Variants in NRXN2 observed in about 807,000 individuals in gnomAD.
NRXN2 encodes neurexin-2-beta.
Under a neutral mutation model 128.8 loss-of-function variants are expected in NRXN2, and 29 were observed. That is an observed-to-expected ratio of 0.23 (90% CI 0.17 to 0.31). NRXN2 has a LOEUF of 0.31. NRXN2 is among the 10% of genes least tolerant of loss of function. NRXN2 has a pLI of 1.00. For missense variants in NRXN2, 1,881 were observed against 2,452.6 expected, an observed-to-expected ratio of 0.77 and a Z score of 4.92; for synonymous variants, 1,098 against 1,075.2, an observed-to-expected ratio of 1.02 and a Z score of -0.41.
At position 64,667,742 on chromosome 11, in the gene NRXN2, G is replaced by A; in HGVS notation, c.1360-54C>T. 1 of 1,570,798 alleles carries A rather than the reference G, an allele frequency of 6.4e-7. No homozygotes were observed. The highest frequency in any genetic ancestry group is 8.7e-7 in the Non-Finnish European group (1 of 1,146,528). ...AGAATCCGAAAGCAGCTTAGGGCCTGGCCACTCCCACCCAGCAGCGAGCAC... is the reference window on the plus strand; with the variant it reads ...AGAATCCGAAAGCAGCTTAGGGCCTAGCCACTCCCACCCAGCAGCGAGCAC... On this transcript the variant is annotated intron_variant, in intron 8 of 22. Transcript: ENST00000265459. This position sits in a 1 kb window ranked among gnomAD's most constrained non-coding sequence, Gnocchi z 5.6.
chr11:64,669,678 C>G lies in NRXN2; in HGVS notation c.1198-1074G>C, dbSNP rs1178005496. Among the ~76,000 whole-genome samples, 7 of 152,180 alleles carry G rather than the reference C, an allele frequency of 4.6e-5. No individual in the cohort carries two copies. The East Asian group carries it at 1.2e-3, about 25-fold the overall frequency. ...TCCCCAGGCAAATGCCCACCTTCTC[C>G]AAAAAATCTAACTCTACAAGCAGCC... On this transcript the variant is annotated intron_variant, in intron 7 of 22. Coordinates refer to ENST00000265459, the MANE Select transcript of NRXN2 (RefSeq NM_015080.4).
At chr11:64,621,003 G>A (rs1030099590) in intron 21 of NRXN2, among the ~76,000 whole-genome samples, 2 of 151,816 alleles carry the variant, frequency 1.3e-5, no homozygotes, top group Non-Finnish European at 2.9e-5. Context: ...GGCGCTCAGG[G>A]GCATGAAGGA....
At chr11:64,657,311 T>C (rs760721839) in intron 11 of NRXN2, among the ~76,000 whole-genome samples, 2 of 152,044 alleles carry the variant, frequency 1.3e-5, no homozygotes, top group Non-Finnish European at 2.9e-5. Flanking sequence ...TTCTTTACAC[T>C]GCACTTTTCC....
chr11:64,648,472 T>C lies in NRXN2; in HGVS notation c.3284-134A>G. 7.1e-7 allele frequency: 1 copy of C among 1,411,154 alleles called. No individual in the cohort carries two copies. The highest frequency in any genetic ancestry group is 9.9e-7 in the Non-Finnish European group (1 of 1,015,058). 87.4% of individuals were successfully genotyped at this position (1,411,154 alleles called of 1,614,324 possible). ...CCTGGCTGAAAGGGCCAAGTACTGA[T>C]GACAGGGATTGGGGCAGGAGGGTCA... On this transcript the variant is annotated intron_variant, in intron 16 of 22. Coordinates refer to ENST00000265459, the MANE Select transcript of NRXN2 (RefSeq NM_015080.4). This position sits in a 1 kb window ranked among gnomAD's most constrained non-coding sequence, Gnocchi z 4.1.
Position 64,713,246 on chromosome 11 carries a change from C to T in NRXN2, c.454G>A (p.Val152Met). Residue 152 changes from valine to methionine, a missense_variant, in exon 2 of 23, where the codon GTG becomes ATG. By Grantham distance (21) the Val-to-Met change is conservative. Transcript: ENST00000265459. ...REMQVASDLF[V>M]GGIPPDVRLS... ...CGCACGTCGGGCGGGATGCCGCCCA[C>T]GAACAGGTCGCTGGCCACCTGCATC... 1 of 1,455,546 alleles carries T rather than the reference C, an allele frequency of 6.9e-7. No individual in the cohort carries two copies. The highest frequency in any genetic ancestry group is 9.0e-7 in the Non-Finnish European group (1 of 1,106,774). 90.2% of individuals were successfully genotyped at this position (1,455,546 alleles called of 1,614,324 possible).
At chr11:64,612,873 T>G (rs973256736) in intron 22 of NRXN2, among the ~76,000 whole-genome samples, 1 of 152,226 alleles carries the variant, frequency 6.6e-6, no homozygotes, top group African/African-American at 2.4e-5. Flanking sequence ...GGTGCATGAT[T>G]TCACAAACAG....
chr11:64,619,409 G>A (rs565130466), intron 22 of NRXN2, among the ~76,000 whole-genome samples: 5 of 151,708 alleles, frequency 3.3e-5, no homozygotes, highest in Admixed American at 1.3e-4. Flanking sequence ...CTGCTCAAAT[G>A]AGCAGCCTTG....
In NRXN2 at chr11:64,643,991, T is replaced by C. The variant is rs536260024; in HGVS notation, c.3403+4228A>G. ...GTGCACACTGAGATGTGTATCGGCT[T>C]GGGTATGGAAACATCCACGTGCCCA... is the stretch of plus-strand genomic sequence containing the variant. On this transcript the variant is annotated intron_variant, in intron 17 of 22. Transcript: ENST00000265459. Among the ~76,000 whole-genome samples, 198 of 151,706 alleles carry C rather than the reference T, an allele frequency of 1.3e-3. 1 individual carries two copies. The highest frequency in any genetic ancestry group is 1.6e-3 in the Non-Finnish European group (108 of 67,856).
At chr11:64,659,270 C>G (rs559234348) in intron 11 of NRXN2, 128 of 152,432 alleles carry the variant, frequency 8.4e-4, no homozygotes, top group African/African-American at 3.0e-3. Flanking sequence ...TCTGAAAGCT[C>G]CAAAGGGGTG....
chr11:64,673,014 A>G (rs1302861854), intron 7 of NRXN2, among the ~76,000 whole-genome samples: 1 of 152,052 alleles, frequency 6.6e-6, no homozygotes, highest in African/African-American at 2.4e-5. Flanking sequence ...GAGTTTAACA[A>G]CTGTCGCTCC....
chr11:64,648,110 C>G lies in NRXN2; in HGVS notation c.3403+109G>C. On this transcript the variant is annotated intron_variant, in intron 17 of 22. Transcript: ENST00000265459. The surrounding 1 kb of genome is among the most constrained non-coding windows in gnomAD (Gnocchi z 4.1). ...CAGACAAGGGATGAGAAGGAAGAAGCAGCACAGCTCCTGAATGCTCAGAGG... is the reference window on the plus strand; with the variant it reads ...CAGACAAGGGATGAGAAGGAAGAAGGAGCACAGCTCCTGAATGCTCAGAGG... 6.8e-7 allele frequency: 1 copy of G among 1,476,294 alleles called. No homozygotes were observed. Among genetic ancestry groups the G allele is most frequent in the South Asian group, 1.1e-5 (1 of 87,176 alleles). The allele number at this position is 1,476,294 out of a possible 1,614,324, so 91.4% of individuals were successfully genotyped here. A position where few individuals can be genotyped will look rare whatever the true frequency, so the allele number is the denominator to read the frequency against.
intron 7 of NRXN2, among the ~76,000 whole-genome samples, chr11:64,673,981 T>C (rs2050962310): frequency 6.9e-6 from 1 of 144,376 alleles, no homozygotes; most frequent in African/African-American, 2.6e-5. Flanking sequence ...GAGGTTGCAG[T>C]GAGCCGAGAT....
At chr11:64,716,171 C>T (rs773586895) in intron 1 of NRXN2, among the ~76,000 whole-genome samples, 6 of 152,204 alleles carry the variant, frequency 3.9e-5, no homozygotes, top group Non-Finnish European at 8.8e-5. Flanking sequence ...CCCCCACCTC[C>T]GGACACTATT....
At chr11:64,673,059 G>A (rs1429671180) in intron 7 of NRXN2, among the ~76,000 whole-genome samples, 1 of 152,168 alleles carries the variant, frequency 6.6e-6, no homozygotes, top group Non-Finnish European at 1.5e-5. Flanking sequence ...CACCAAATGA[G>A]AAAACTGAAG....
intron 3 of NRXN2, among the ~76,000 whole-genome samples, chr11:64,694,285 C>T (rs1006942608): frequency 6.6e-6 from 1 of 152,194 alleles, no homozygotes; most frequent in African/African-American, 2.4e-5. Context: ...GAAACCAGCC[C>T]CACTGCTGTG....
chr11:64,641,657 G>A (rs764939228), intron 17 of NRXN2, among the ~76,000 whole-genome samples: 22 of 151,916 alleles, frequency 1.4e-4, no homozygotes, highest in Non-Finnish European at 3.2e-4. Flanking sequence ...GAGGAAGGAC[G>A]GAAATGAGAA....
intron 3 of NRXN2, among the ~76,000 whole-genome samples, chr11:64,697,076 TAAAG>T (rs2054652463): frequency 6.6e-6 from 1 of 151,216 alleles, no homozygotes; most frequent in Non-Finnish European, 1.5e-5. Context: ...AAACAGGAGA[TAAAG>T]AAAGAACATA....
At chr11:64,720,028 T>C (rs1431473037) in intron 1 of NRXN2, among the ~76,000 whole-genome samples, 1 of 152,226 alleles carries the variant, frequency 6.6e-6, no homozygotes, top group African/African-American at 2.4e-5. Flanking sequence ...TTGTTACTAC[T>C]ATCATTGCCA....
chr11:64,610,399 G>A (rs1013662772), intron 22 of NRXN2, among the ~76,000 whole-genome samples: 2 of 152,170 alleles, frequency 1.3e-5, no homozygotes, highest in Non-Finnish European at 2.9e-5. Context: ...TAGGTGCCCA[G>A]CAAGGTGAGT....
Sources: allele counts gnomAD v4.1 joint callset (sites outside exome capture counted in the v4.1 genomes callset), GRCh38; gene constraint gnomAD v4.1.1; non-coding constraint Gnocchi (gnomAD v3.1); transcripts MANE v1.5; gene names NCBI Gene and HGNC (gene_info 2026-07-23, HGNC 2026-07-21).